PRKG2: variants seen among roughly 807,000 people sequenced by gnomAD.
PRKG2 encodes the protein protein kinase cGMP-dependent 2.
In PRKG2, 33 loss-of-function variants were observed where a neutral mutation model predicts 97.2. The ratio of observed to expected loss-of-function variants is 0.34; its 90% CI spans 0.26 to 0.45. The LOEUF (loss-of-function observed/expected upper bound fraction) is 0.45, where lower values mean the gene tolerates loss of function less well. PRKG2 is among the 20% of genes least tolerant of loss of function. PRKG2 has a pLI of 1.00. For synonymous variants in PRKG2, 330 were observed against 321.8 expected, an observed-to-expected ratio of 1.03 and a Z score of -0.27; for missense variants, 638 against 900.0, an observed-to-expected ratio of 0.71 and a Z score of 3.73.
chr4:81,161,935 G>T (rs922468420), intron 6 of PRKG2, among the ~76,000 whole-genome samples: 2 of 151,952 alleles, frequency 1.3e-5, no homozygotes, highest in Admixed American at 6.6e-5. Context: ...TATCTGGAAG[G>T]GGGGGTGGGG....
chr4:81,206,430 G>C (rs1753656940), intron 1 of PRKG2, among the ~76,000 whole-genome samples: 1 of 152,078 alleles, frequency 6.6e-6, no homozygotes, highest in South Asian at 2.1e-4. Context: ...TTTATAAAGG[G>C]GAGTTTGCCT....
At chr4:81,182,308 G>A (rs1751486579) in intron 2 of PRKG2, among the ~76,000 whole-genome samples, 2 of 152,048 alleles carry the variant, frequency 1.3e-5, no homozygotes, top group South Asian at 2.1e-4. Context: ...AATATAATGG[G>A]ATGCAGAAAG....
At chr4:81,214,035 G>C (rs567126131) in intron 1 of PRKG2, among the ~76,000 whole-genome samples, 1 of 151,850 alleles carries the variant, frequency 6.6e-6, no homozygotes, top group African/African-American at 2.4e-5. Context: ...ATGTTATGTG[G>C]GATGATCGCC....
chr4:81,132,440 G>A (rs1214985020), intron 14 of PRKG2, among the ~76,000 whole-genome samples: 1 of 152,076 alleles, frequency 6.6e-6, no homozygotes, highest in Non-Finnish European at 1.5e-5. Flanking sequence ...AGTGATAAGA[G>A]GAGATATTTT....
At chr4:81,213,766 C>T (rs1273052122) in intron 1 of PRKG2, among the ~76,000 whole-genome samples, 2 of 152,174 alleles carry the variant, frequency 1.3e-5, no homozygotes, top group African/African-American at 4.8e-5. Context: ...AGGACTTGGG[C>T]AACAGCCAGG....
At chr4:81,169,315 G>T (rs1375702587) in intron 5 of PRKG2, among the ~76,000 whole-genome samples, 3 of 152,176 alleles carry the variant, frequency 2.0e-5, no homozygotes, top group African/African-American at 4.8e-5. Flanking sequence ...TAGAAAGCTT[G>T]TCTTTTGGCT....
chr4:81,148,641 A>G (rs1019509816), intron 9 of PRKG2, among the ~76,000 whole-genome samples: 1 of 152,192 alleles, frequency 6.6e-6, no homozygotes, highest in East Asian at 1.9e-4. Context: ...CCTATTGCTG[A>G]TATTTATGTA....
intron 9 of PRKG2, among the ~76,000 whole-genome samples, chr4:81,145,884 T>C (rs1245446173): frequency 6.6e-6 from 1 of 152,184 alleles, no homozygotes; most frequent in Admixed American, 6.6e-5. Context: ...CACCTCAATA[T>C]TGTGCTGTCT....
intron 14 of PRKG2, among the ~76,000 whole-genome samples, chr4:81,116,797 G>A (rs531172322): frequency 6.8e-6 from 1 of 146,108 alleles, no homozygotes; most frequent in African/African-American, 2.7e-5. Flanking sequence ...TCATATGCTT[G>A]TTGGCCACAT....
At chr4:81,161,716 C>A (rs1749603479) in intron 6 of PRKG2, among the ~76,000 whole-genome samples, 1 of 152,128 alleles carries the variant, frequency 6.6e-6, no homozygotes, top group Non-Finnish European at 1.5e-5. Flanking sequence ...CATTTCTTAC[C>A]CTCAGAGTCT....
At chr4:81,212,351 G>A (rs1754025821) in intron 1 of PRKG2, among the ~76,000 whole-genome samples, 2 of 135,056 alleles carry the variant, frequency 1.5e-5, no homozygotes, top group Non-Finnish European at 3.1e-5. Context: ...ATATTTGACT[G>A]CCAAATTCAG....
At chr4:81,091,894 C>A (rs1175694034) in intron 18 of PRKG2, among the ~76,000 whole-genome samples, 1 of 152,054 alleles carries the variant, frequency 6.6e-6, no homozygotes, top group African/African-American at 2.4e-5. Context: ...CTGAGATGTG[C>A]TGTAACAGTA....
intron 7 of PRKG2, among the ~76,000 whole-genome samples, chr4:81,152,408 G>C (rs2110058633): frequency 6.6e-6 from 1 of 152,278 alleles, no homozygotes; most frequent in South Asian, 2.1e-4. Flanking sequence ...ATTTTAAAAA[G>C]CCTAATATAG....
At chr4:81,105,508 C>A (rs970497704) in intron 16 of PRKG2, among the ~76,000 whole-genome samples, 1 of 151,956 alleles carries the variant, frequency 6.6e-6, no homozygotes, top group African/African-American at 2.4e-5. Context: ...TAAATTACTC[C>A]TTTTTTAGCC....
intron 11 of PRKG2, 57 bp downstream of exon 11, chr4:81,142,737 A>G (rs1333870098): frequency 1.4e-6 from 2 of 1,467,800 alleles, no homozygotes; most frequent in East Asian, 2.3e-5. Context: ...GCTGGAATAT[A>G]AAACAAAAAA....
At position 81,165,025 on chromosome 4, in the gene PRKG2, T is replaced by C. The variant is rs561306708; in HGVS notation, c.912+2136A>G. On this transcript the variant is annotated intron_variant, in intron 6 of 18. Coordinates refer to ENST00000264399, the MANE Select transcript of PRKG2 (RefSeq NM_006259.3). Reference sequence around the variant, plus strand: ...TACGTAAGTCATATTATTATTTTCATTGTCGTTAATCTGTACACTCCGTTC... The same window carrying C: ...TACGTAAGTCATATTATTATTTTCACTGTCGTTAATCTGTACACTCCGTTC... 4 of 152,294 alleles carry C rather than the reference T, an allele frequency of 2.6e-5. 1 individual carries two copies. Among genetic ancestry groups the C allele is most frequent in the African/African-American group, 7.2e-5 (3 of 41,564 alleles). 9.4% of individuals were successfully genotyped at this position (152,294 alleles called of 1,614,324 possible).
intron 6 of PRKG2, among the ~76,000 whole-genome samples, chr4:81,158,358 G>C (rs1004053988): frequency 4.0e-5 from 6 of 149,346 alleles, no homozygotes; most frequent in Admixed American, 3.3e-4. Context: ...AAATACCTAG[G>C]AATCCAACTT....
chr4:81,204,410 T>C (rs1017933742), intron 2 of PRKG2, among the ~76,000 whole-genome samples, 177 bp downstream of exon 2: 2 of 152,186 alleles, frequency 1.3e-5, no homozygotes, highest in African/African-American at 4.8e-5. Flanking sequence ...ATTTCTACTT[T>C]AAACTTCTGC....
chr4:81,174,834 A>G lies in PRKG2; in HGVS notation c.587T>C (p.Ile196Thr). The G allele has an allele frequency of 6.2e-7, 1 of 1,613,124 alleles. No homozygotes were observed. Among genetic ancestry groups the G allele is most frequent in the South Asian group, 1.1e-5 (1 of 90,884 alleles). ...ATGGTTTCCTGGTTCTCCTTGCTTAATAATGTAACTCCCTTGCTGATAGTT... is the reference window on the plus strand; with the variant it reads ...ATGGTTTCCTGGTTCTCCTTGCTTAGTAATGTAACTCCCTTGCTGATAGTT... The part of the protein sequence containing the change: ...GRNYQQGSYI[I>T]KQGEPGNHIF... Residue 196 changes from isoleucine to threonine, a missense_variant, in exon 3 of 19, where the codon ATT becomes ACT. Ile to Thr is a moderately conservative substitution (Grantham distance 89, BLOSUM62 -1). Around this residue, in one of 3 missense-constraint regions of PRKG2, gnomAD observed 332 missense variants for 421.7 expected, o/e 0.79. Transcript: ENST00000264399.
Sources: allele counts gnomAD v4.1 joint callset (sites outside exome capture counted in the v4.1 genomes callset), GRCh38; gene constraint gnomAD v4.1.1; regional missense constraint gnomAD v4.1.1; transcripts MANE v1.5; gene names NCBI Gene and HGNC (gene_info 2026-07-23, HGNC 2026-07-21).